The following KIAA1671 variants were observed in gnomAD, a reference collection of about 807,000 sequenced individuals.
KIAA1671 encodes KIAA1671.
In KIAA1671, 52 loss-of-function variants were observed where a neutral mutation model predicts 131.2. That is an observed-to-expected ratio of 0.40 (90% confidence interval 0.32 to 0.50). The LOEUF (loss-of-function observed/expected upper bound fraction) is 0.50, where lower values mean the gene tolerates loss of function less well. Ranked by LOEUF, KIAA1671 falls within the 20% of genes least tolerant of loss-of-function variation. KIAA1671 has a pLI of 0.73. For missense variants in KIAA1671, 2,360 were observed against 2,364.2 expected (o/e 1.00, Z 0.04); for synonymous variants, 1,003 against 961.6 (o/e 1.04, Z -0.80).
rs1006653144 is a variant in KIAA1671 at position 25,028,598 on chromosome 22, C to G, written c.599C>G (p.Ser200Cys). ...ACCCTTCCCCGGTCAGCTCCCCTGT[C>G]TCAGGACACAAAACCACCTGTACCC... ...AGTLPRSAPL[S>C]QDTKPPVPQE... Residue 200 changes from serine (S) to cysteine (C), a missense_variant, in exon 3 of 13, where the codon TCT becomes TGT. Coordinates refer to ENST00000358431, the MANE Select transcript of KIAA1671 (RefSeq NM_001145206.2). 24 of 1,478,210 alleles carry G rather than the reference C, an allele frequency of 1.6e-5. No individual in the cohort carries two copies. Among genetic ancestry groups the G allele is most frequent in the Non-Finnish European group, 2.1e-5 (23 of 1,104,424 alleles). 91.6% of individuals were successfully genotyped at this position (1,478,210 alleles called of 1,614,324 possible).
chr22:24,956,850 C>T (rs1351622867), intron 1 of KIAA1671, among the ~76,000 whole-genome samples: 1 of 127,864 alleles, frequency 7.8e-6, no homozygotes, highest in African/African-American at 3.2e-5. Context: ...CCAGCCTGGG[C>T]GAGAGAGCGA....
chr22:25,004,060 G>A (rs1276293039), intron 1 of KIAA1671, among the ~76,000 whole-genome samples: 1 of 148,868 alleles, frequency 6.7e-6, no homozygotes, highest in African/African-American at 2.5e-5. Flanking sequence ...CTTGTGATCC[G>A]CCTGCCTCAG....
intron 6 of KIAA1671, among the ~76,000 whole-genome samples, chr22:25,142,440 G>A (rs1276549342): frequency 6.6e-6 from 1 of 152,158 alleles, no homozygotes; most frequent in African/African-American, 2.4e-5. Flanking sequence ...ACAATTCCAT[G>A]GTCACCAGGA....
intron 1 of KIAA1671, among the ~76,000 whole-genome samples, chr22:24,964,882 G>A (rs1020488349): frequency 1.3e-5 from 2 of 152,106 alleles, no homozygotes; most frequent in Non-Finnish European, 2.9e-5. Context: ...CACTCCTGTT[G>A]GTGCCCTTCT....
At chr22:24,992,660 C>A (rs1049719995) in intron 1 of KIAA1671, among the ~76,000 whole-genome samples, 1 of 151,526 alleles carries the variant, frequency 6.6e-6, no homozygotes, top group African/African-American at 2.4e-5. Flanking sequence ...ACTAAAAATA[C>A]AAAAATTAGG....
chr22:24,989,030 A>G (rs1371745110), intron 1 of KIAA1671, among the ~76,000 whole-genome samples: 2 of 152,202 alleles, frequency 1.3e-5, no homozygotes. Flanking sequence ...TTGAACTCCC[A>G]GGCCCAGTAC....
intron 6 of KIAA1671, among the ~76,000 whole-genome samples, chr22:25,114,270 G>T (rs904295376): frequency 1.1e-4 from 16 of 152,216 alleles, no homozygotes; most frequent in African/African-American, 3.9e-4. Context: ...TGGCTGAGGA[G>T]CCCTGACCCA....
chr22:25,190,232 C>T (rs963929561), intron 11 of KIAA1671, among the ~76,000 whole-genome samples: 1 of 152,056 alleles, frequency 6.6e-6, no homozygotes, highest in Non-Finnish European at 1.5e-5. Context: ...GATCATCAGG[C>T]ATTAGATTCT....
At chr22:25,054,487 A>T (rs1927735955) in intron 6 of KIAA1671, 3 of 149,018 alleles carry the variant, frequency 2.0e-5, no homozygotes, top group African/African-American at 7.4e-5. Context: ...TGATAGGTAG[A>T]TGTCTCTGGT....
At chr22:24,997,004 G>A (rs2123855094) in intron 1 of KIAA1671, among the ~76,000 whole-genome samples, 1 of 152,292 alleles carries the variant, frequency 6.6e-6, no homozygotes, top group South Asian at 2.1e-4. Flanking sequence ...TATGCCAGGG[G>A]CCTGCATAGA....
At chr22:25,138,113 C>T (rs1211580342) in intron 6 of KIAA1671, among the ~76,000 whole-genome samples, 1 of 152,200 alleles carries the variant, frequency 6.6e-6, no homozygotes, top group East Asian at 1.9e-4. Flanking sequence ...ACTTCAGTGG[C>T]TTAAAACAGA....
At chr22:25,107,994 C>G (rs150238576) in intron 6 of KIAA1671, among the ~76,000 whole-genome samples, 3,599 of 152,032 alleles carry the variant, frequency 0.024, 75 homozygotes, top group Middle Eastern at 0.044. Context: ...GGTGACAGAG[C>G]AAGACTTTGT....
chr22:25,123,319 A>G (rs1932033868), intron 6 of KIAA1671, among the ~76,000 whole-genome samples: 1 of 150,212 alleles, frequency 6.7e-6, no homozygotes, highest in Non-Finnish European at 1.5e-5. Flanking sequence ...GCCTGGGGAC[A>G]GTAGCTGGGA....
At chr22:25,160,063 G>A (rs1198970718) in intron 6 of KIAA1671, among the ~76,000 whole-genome samples, 2 of 152,330 alleles carry the variant, frequency 1.3e-5, no homozygotes, top group East Asian at 1.9e-4. Context: ...CACGCAGAAC[G>A]TTTTGTAAAC....
intron 6 of KIAA1671, among the ~76,000 whole-genome samples, chr22:25,098,592 G>A (rs886675019): frequency 6.7e-6 from 1 of 149,988 alleles, no homozygotes; most frequent in African/African-American, 2.5e-5. Flanking sequence ...CGTAGGATCT[G>A]CAGGCAGCTC....
intron 9 of KIAA1671, among the ~76,000 whole-genome samples, chr22:25,179,983 T>C (rs1934210247): frequency 7.2e-6 from 1 of 139,414 alleles, no homozygotes; most frequent in Non-Finnish European, 1.6e-5. Context: ...GGGAAAGTTA[T>C]TCCAGGCAGA....
At chr22:25,183,499 C>T (rs1364309246) in intron 10 of KIAA1671, among the ~76,000 whole-genome samples, 55 of 131,208 alleles carry the variant, frequency 4.2e-4, no homozygotes, top group Non-Finnish European at 6.7e-4. Context: ...TCCTTCCTTC[C>T]TTCCTTCCTT....
At chr22:25,051,349 T>A (rs1378452103) in intron 6 of KIAA1671, 11 of 152,258 alleles carry the variant, frequency 7.2e-5, no homozygotes, top group Admixed American at 6.5e-4. Context: ...AAGTTCCAAC[T>A]CTGCCACTGT....
chr22:25,084,432 T>C (rs1929587427), intron 6 of KIAA1671, among the ~76,000 whole-genome samples: 1 of 135,210 alleles, frequency 7.4e-6, no homozygotes, highest in African/African-American at 2.9e-5. Context: ...CACTCCAGCC[T>C]CAGCGACAGA....
Sources: allele counts gnomAD v4.1 joint callset (sites outside exome capture counted in the v4.1 genomes callset), GRCh38; gene constraint gnomAD v4.1.1; transcripts MANE v1.5; gene names NCBI Gene and HGNC (gene_info 2026-07-23, HGNC 2026-07-21).